Variants in STIM2 observed in about 807,000 individuals in gnomAD.
The protein encoded by STIM2 is stromal interaction molecule 2.
STIM2 carries 31 observed loss-of-function variants against 85.8 expected under a neutral mutation model. That is an observed-to-expected ratio of 0.36 (90% confidence interval 0.27 to 0.49). The LOEUF (loss-of-function observed/expected upper bound fraction) is 0.49. Ranked by LOEUF, STIM2 falls within the 20% of genes least tolerant of loss-of-function variation. STIM2 has a pLI of 0.98. For synonymous variants in STIM2, 356 were observed against 331.1 expected (o/e 1.08, Z -0.82); for missense variants, 841 against 927.6 (o/e 0.91, Z 1.21).
At chr4:26,873,074 C>T (rs1722686019) in intron 1 of STIM2, among the ~76,000 whole-genome samples, 1 of 152,196 alleles carries the variant, frequency 6.6e-6, no homozygotes, top group Non-Finnish European at 1.5e-5. Context: ...TACAGAGCCT[C>T]ATAGACCTTG....
chr4:27,009,513 G>A (rs1364062441), intron 10 of STIM2, among the ~76,000 whole-genome samples: 2 of 152,098 alleles, frequency 1.3e-5, no homozygotes. Context: ...TTGGAAACAG[G>A]GATTTGAATC....
intron 1 of STIM2, among the ~76,000 whole-genome samples, chr4:26,880,094 A>G (rs575306236): frequency 6.6e-6 from 1 of 152,270 alleles, no homozygotes; most frequent in South Asian, 2.1e-4. Context: ...GAAACCTTTT[A>G]TGCTGGCCTG....
chr4:26,901,773 T>A (rs577325775), intron 1 of STIM2, among the ~76,000 whole-genome samples: 2 of 152,180 alleles, frequency 1.3e-5, no homozygotes, highest in Non-Finnish European at 1.5e-5. Context: ...AATAGTGGAA[T>A]TGCGATTTGA....
intron 2 of STIM2, among the ~76,000 whole-genome samples, chr4:26,939,653 G>C (rs974218350): frequency 6.6e-6 from 1 of 151,954 alleles, no homozygotes; most frequent in African/African-American, 2.4e-5. Flanking sequence ...GTGTTAATTG[G>C]GGATGTTTGA....
intron 1 of STIM2, among the ~76,000 whole-genome samples, chr4:26,879,699 T>C (rs1447700778): frequency 6.6e-6 from 1 of 152,226 alleles, no homozygotes; most frequent in Non-Finnish European, 1.5e-5. Flanking sequence ...ATTAGTAATA[T>C]TCCATCTCAT....
intron 10 of STIM2, among the ~76,000 whole-genome samples, chr4:27,016,785 T>C (rs1728746405): frequency 6.6e-6 from 1 of 152,196 alleles, no homozygotes; most frequent in Admixed American, 6.5e-5. Context: ...TTGCCCATGC[T>C]GATGATGGGT....
intron 3 of STIM2, among the ~76,000 whole-genome samples, chr4:26,965,288 C>CAGT (rs1726669674): frequency 6.6e-6 from 1 of 152,100 alleles, no homozygotes. Flanking sequence ...TAGGTGACAC[C>CAGT]AGTATGTTGC....
chr4:27,016,181 GCTTT>G (rs1390918229), intron 10 of STIM2, among the ~76,000 whole-genome samples: 7 of 151,744 alleles, frequency 4.6e-5, no homozygotes, highest in African/African-American at 1.7e-4. Context: ...ATGTTTTAAT[GCTTT>G]CTTTTCTCAT....
intron 11 of STIM2, 132 bp downstream of exon 11, chr4:27,018,116 C>A: frequency 7.7e-7 from 1 of 1,305,170 alleles, no homozygotes; most frequent in Non-Finnish European, 1.1e-6. Flanking sequence ...ACTTTGCAGC[C>A]TCAGACATCA....
chr4:26,991,274 T>C (rs1727756527), intron 3 of STIM2, among the ~76,000 whole-genome samples: 1 of 152,128 alleles, frequency 6.6e-6, no homozygotes, highest in Admixed American at 6.6e-5. Context: ...AATCCCGTTA[T>C]TTACAGCAAA....
At chr4:26,949,282 C>T (rs958393707) in intron 2 of STIM2, among the ~76,000 whole-genome samples, 2 of 152,018 alleles carry the variant, frequency 1.3e-5, no homozygotes, top group Admixed American at 6.6e-5. Flanking sequence ...TGTATTCATT[C>T]AAAATATTTC....
chr4:27,021,549 G>A (rs1049960108), intron 11 of STIM2: 1 of 456,742 alleles, frequency 2.2e-6, no homozygotes, highest in South Asian at 1.5e-5. Context: ...ACACGGCCTG[G>A]TACGCTTTGA....
At chr4:26,941,605 C>T (rs531683776) in intron 2 of STIM2, among the ~76,000 whole-genome samples, 3 of 152,076 alleles carry the variant, frequency 2.0e-5, no homozygotes, top group South Asian at 2.1e-4. Context: ...CTGATGGCAG[C>T]GAGATTTAAA....
At chr4:26,898,526 TGCCTAGA>T (rs1723792128) in intron 1 of STIM2, among the ~76,000 whole-genome samples, 1 of 152,212 alleles carries the variant, frequency 6.6e-6, no homozygotes, top group Non-Finnish European at 1.5e-5. Context: ...TGATGATTGT[TGCCTAGA>T]TCCAATATAT....
chr4:26,950,554 G>A (rs1225767038), intron 2 of STIM2, among the ~76,000 whole-genome samples: 1 of 152,080 alleles, frequency 6.6e-6, no homozygotes, highest in Non-Finnish European at 1.5e-5. Flanking sequence ...GGGAGTGGGT[G>A]CTCTTTTATG....
chr4:26,952,627 T>C (rs1241064498), intron 2 of STIM2, among the ~76,000 whole-genome samples: 1 of 152,012 alleles, frequency 6.6e-6, no homozygotes, highest in African/African-American at 2.4e-5. Context: ...AGTAGGAGAT[T>C]TGAGATATCT....
At chr4:26,959,118 G>T (rs1311173289) in intron 3 of STIM2, among the ~76,000 whole-genome samples, 1 of 152,130 alleles carries the variant, frequency 6.6e-6, no homozygotes, top group Admixed American at 6.6e-5. Flanking sequence ...ATGTAAATTA[G>T]ATCTGCTCAT....
At chr4:26,891,712 G>T (rs142832261) in intron 1 of STIM2, among the ~76,000 whole-genome samples, 2,224 of 152,118 alleles carry the variant, frequency 0.015, 35 homozygotes, top group Non-Finnish European at 0.023. Flanking sequence ...ATACAAAGAG[G>T]CCTACTAGAC....
intron 2 of STIM2, among the ~76,000 whole-genome samples, chr4:26,942,951 T>G (rs1725671126): frequency 6.6e-6 from 1 of 152,136 alleles, no homozygotes; most frequent in Non-Finnish European, 1.5e-5. Flanking sequence ...ATCTTAAATT[T>G]AAGGTTTAAA....
Sources: gnomAD v4.1 joint callset for allele counts (sites outside exome capture counted in the v4.1 genomes callset) on GRCh38, gnomAD v4.1.1 for gene constraint, MANE v1.5 for transcripts, NCBI Gene and HGNC (gene_info 2026-07-23, HGNC 2026-07-21) for gene names.